NME7: variants seen among roughly 807,000 people sequenced by gnomAD.
The protein encoded by NME7 is NME/NM23 family member 7.
A neutral mutation model predicts 49.1 loss-of-function variants in NME7; 41 were observed. The observed-to-expected ratio is 0.83, with a 90% CI of 0.65 to 1.08. The LOEUF is 1.08. Ranked by LOEUF, NME7 falls within the 50% of genes least tolerant of loss-of-function variation. The probability of loss-of-function intolerance (pLI) is 0.00; values close to 1 mark genes in which losing one functional copy is unlikely to be tolerated. For missense variants in NME7, 423 were observed against 463.4 expected (o/e 0.91, Z 0.80); for synonymous variants, 139 against 150.6 (o/e 0.92, Z 0.56).
chr1:169,150,589 G>A (rs1171101516), intron 11 of NME7, among the ~76,000 whole-genome samples: 1 of 152,048 alleles, frequency 6.6e-6, no homozygotes, highest in Non-Finnish European at 1.5e-5. Flanking sequence ...TAAACAGTAG[G>A]CAAAGGGATA....
Position 169,177,635 on chromosome 1 carries a change from C to G in NME7, c.991-8081G>C, listed in dbSNP as rs377307649. ...GACCCTGTCTCTTAAAGAAAAACTT[C>G]TCAACATAACCTATAGTCCTGCATG... On this transcript the variant is annotated intron_variant, in intron 10 of 11. Coordinates refer to ENST00000367811, the MANE Select transcript of NME7 (RefSeq NM_013330.5). Among the ~76,000 whole-genome samples, 3 of 152,046 alleles carry G rather than the reference C, an allele frequency of 2.0e-5. No individual in the cohort carries two copies. The South Asian group carries it at 6.2e-4, about 32-fold the overall frequency.
At chr1:169,140,653 T>TGGAA (rs1183051318) in intron 11 of NME7, among the ~76,000 whole-genome samples, 1 of 151,844 alleles carries the variant, frequency 6.6e-6, no homozygotes, top group Non-Finnish European at 1.5e-5. Flanking sequence ...CAGGTGACCT[T>TGGAA]GACACTTCCT....
At chr1:169,347,096 A>G (rs978428515) in intron 1 of NME7, among the ~76,000 whole-genome samples, 11 of 152,196 alleles carry the variant, frequency 7.2e-5, no homozygotes, top group African/African-American at 2.7e-4. Context: ...CTGTAATTGC[A>G]GCTACTCAGG....
At chr1:169,174,288 G>A (rs1423123322) in intron 10 of NME7, among the ~76,000 whole-genome samples, 1 of 152,098 alleles carries the variant, frequency 6.6e-6, no homozygotes, top group Non-Finnish European at 1.5e-5. Context: ...TATTGAATAG[G>A]TCTATCAGAT....
intron 10 of NME7, among the ~76,000 whole-genome samples, chr1:169,216,491 T>C (rs1473741148): frequency 6.6e-6 from 1 of 152,270 alleles, no homozygotes; most frequent in Non-Finnish European, 1.5e-5. Context: ...CCCCTTCTTA[T>C]ACATTTCCTT....
At chr1:169,240,705 G>C (rs990745039) in intron 7 of NME7, among the ~76,000 whole-genome samples, 8 of 149,598 alleles carry the variant, frequency 5.3e-5, no homozygotes, top group African/African-American at 9.8e-5. Flanking sequence ...TTTTCCAAAT[G>C]CTGATTCATT....
intron 7 of NME7, among the ~76,000 whole-genome samples, chr1:169,256,889 C>T (rs1272370905): frequency 7.6e-6 from 1 of 131,684 alleles, no homozygotes; most frequent in Non-Finnish European, 1.8e-5. Flanking sequence ...GGTCAGGGGT[C>T]AGGGACCCAC....
chr1:169,151,970 T>C (rs1034383248), intron 11 of NME7, among the ~76,000 whole-genome samples: 2 of 152,218 alleles, frequency 1.3e-5, no homozygotes, highest in Non-Finnish European at 2.9e-5. Flanking sequence ...ACCAGATTTG[T>C]TAAAGCCCAT....
intron 10 of NME7, among the ~76,000 whole-genome samples, chr1:169,209,069 C>T (rs1393804441): frequency 6.6e-6 from 1 of 151,418 alleles, no homozygotes; most frequent in Non-Finnish European, 1.5e-5. Context: ...TTTGTTTTTA[C>T]AAAACTTGAG....
At chr1:169,147,806 C>T (rs1358974841) in intron 11 of NME7, among the ~76,000 whole-genome samples, 1 of 152,140 alleles carries the variant, frequency 6.6e-6, no homozygotes, top group African/African-American at 2.4e-5. Flanking sequence ...TGTGACTTTG[C>T]TGTGGATAAG....
At chr1:169,341,720 G>A (rs901464593) in intron 1 of NME7, among the ~76,000 whole-genome samples, 3 of 152,098 alleles carry the variant, frequency 2.0e-5, no homozygotes, top group African/African-American at 7.2e-5. Flanking sequence ...GCATGCCCTG[G>A]GTGTGAGACA....
At chr1:169,219,475 G>C (rs1210051375) in intron 10 of NME7, among the ~76,000 whole-genome samples, 1 of 152,048 alleles carries the variant, frequency 6.6e-6, no homozygotes, top group Non-Finnish European at 1.5e-5. Flanking sequence ...GGTGTCTGAG[G>C]GGGTACTGGA....
intron 11 of NME7, among the ~76,000 whole-genome samples, chr1:169,163,598 G>A (rs1029216837): frequency 6.6e-6 from 1 of 152,054 alleles, no homozygotes; most frequent in African/African-American, 2.4e-5. Flanking sequence ...AATCTGAGTG[G>A]AGTCTAAGGA....
intron 4 of NME7, among the ~76,000 whole-genome samples, chr1:169,305,936 A>G (rs966873196): frequency 7.2e-5 from 11 of 152,218 alleles, no homozygotes; most frequent in Non-Finnish European, 1.2e-4. Flanking sequence ...CAAGCTCAAC[A>G]TACTAATAAA....
intron 1 of NME7, among the ~76,000 whole-genome samples, chr1:169,356,538 A>G (rs533083906): frequency 6.6e-6 from 1 of 152,334 alleles, no homozygotes; most frequent in South Asian, 2.1e-4. Flanking sequence ...ATATCTCAGA[A>G]GGCTAAACCA....
intron 7 of NME7, among the ~76,000 whole-genome samples, chr1:169,256,941 G>A (rs1315611899): frequency 5.4e-5 from 7 of 128,714 alleles, no homozygotes; most frequent in African/African-American, 7.8e-5. Context: ...CCAGCTGCAT[G>A]CTGGGAGAAC....
At chr1:169,233,830 G>A (rs891176280) in intron 9 of NME7, among the ~76,000 whole-genome samples, 2 of 152,164 alleles carry the variant, frequency 1.3e-5, no homozygotes, top group African/African-American at 4.8e-5. Flanking sequence ...GGAGCAGAAG[G>A]CATGAACAAG....
At chr1:169,134,591 A>G (rs565519271) in intron 11 of NME7, among the ~76,000 whole-genome samples, 4 of 152,314 alleles carry the variant, frequency 2.6e-5, no homozygotes, top group East Asian at 1.9e-4. Context: ...GTATGTCCTC[A>G]ACCCTGGTTA....
At chr1:169,274,325 C>G (rs1649612517) in intron 7 of NME7, among the ~76,000 whole-genome samples, 1 of 132,428 alleles carries the variant, frequency 7.6e-6, no homozygotes, top group Non-Finnish European at 1.8e-5. Flanking sequence ...TTGTTTTTTT[C>G]TTGTAAATTT....
Sources: gnomAD v4.1 joint callset for allele counts (sites outside exome capture counted in the v4.1 genomes callset) on GRCh38, gnomAD v4.1.1 for gene constraint, MANE v1.5 for transcripts, NCBI Gene and HGNC (gene_info 2026-07-23, HGNC 2026-07-21) for gene names.